TMEM119: variants seen among roughly 807,000 people sequenced by gnomAD.
TMEM119 encodes the protein transmembrane protein 119.
For synonymous variants in TMEM119, 182 were observed against 176.4 expected, an observed-to-expected ratio of 1.03 and a Z score of -0.25; for missense variants, 410 against 381.0, an observed-to-expected ratio of 1.08 and a Z score of -0.63.
In TMEM119 at chr12:108,592,544, G is replaced by A. The variant is rs2031432267; in HGVS notation, c.-14-147C>T. 3 of 913,726 alleles carry A rather than the reference G, an allele frequency of 3.3e-6. No individual in the cohort carries two copies. The highest frequency in any genetic ancestry group is 2.9e-5 in the Admixed American group (1 of 34,384). 56.6% of individuals were successfully genotyped at this position (913,726 alleles called of 1,614,324 possible). A position where few individuals can be genotyped will look rare whatever the true frequency, so the allele number is the denominator to read the frequency against. On this transcript the variant is annotated intron_variant, in intron 1 of 1. Coordinates refer to ENST00000392806, the MANE Select transcript of TMEM119 (RefSeq NM_181724.3). The surrounding 1 kb of genome is among the most constrained non-coding windows in gnomAD (Gnocchi z 4.3). ...CATTCCCAGGGCCTGAGCCCCGCTG[G>A]TTCAGCTGTGGAGTACAGATGTGCT...
Position 108,591,498 on chromosome 12 carries a change from C to A in TMEM119, c.*34G>T. 2 of 1,538,188 alleles carry A rather than the reference C, an allele frequency of 1.3e-6. No individual in the cohort carries two copies. The highest frequency in any genetic ancestry group is 1.4e-5 in the African/African-American group (1 of 72,708). ...ACACGGGGAGGTGACCACTTGGGGGCCCGACAGTCAGGGCTGGCAGCCCGG... is the reference window on the plus strand; with the variant it reads ...ACACGGGGAGGTGACCACTTGGGGGACCGACAGTCAGGGCTGGCAGCCCGG... On this transcript the variant is annotated 3_prime_UTR_variant, in exon 2 of 2. Transcript: ENST00000392806. The surrounding 1 kb of genome is among the most constrained non-coding windows in gnomAD (Gnocchi z 4.2).
In TMEM119 at chr12:108,592,425, C is replaced by A; in HGVS notation, c.-14-28G>T. Reference sequence around the variant, plus strand: ...GTGAGACAGGAGGGAGGAGAGAAGTCATGGCGGAACTCTAGAGTGTCAGGA... The same window carrying A: ...GTGAGACAGGAGGGAGGAGAGAAGTAATGGCGGAACTCTAGAGTGTCAGGA... On this transcript the variant is annotated intron_variant, in intron 1 of 1. Transcript: ENST00000392806. The surrounding 1 kb of genome is among the most constrained non-coding windows in gnomAD (Gnocchi z 4.3). 1 of 1,518,244 alleles carries A rather than the reference C, an allele frequency of 6.6e-7. No homozygotes were observed. The highest frequency in any genetic ancestry group is 1.2e-5 in the South Asian group (1 of 80,772). The allele number at this position is 1,518,244 out of a possible 1,614,324, so 94.0% of individuals were successfully genotyped here.
rs771890921 is a variant in TMEM119, at chr12:108,591,693, C to A, written c.691G>T (p.Ala231Ser). ...ACCCCTGAGCACGGCTCCTCCTGCGCCTCTGGTGTCTCCACTGGGACCCCA... is the reference window on the plus strand; with the variant it reads ...ACCCCTGAGCACGGCTCCTCCTGCGACTCTGGTGTCTCCACTGGGACCCCA... ...GHGVPVETPEAQEEPCSGVLE... is the reference protein window; with the variant it reads ...GHGVPVETPESQEEPCSGVLE... Residue 231 changes from alanine (A) to serine (S), a missense_variant, in exon 2 of 2, where the codon GCG (alanine) becomes TCG (serine). Physicochemically the swap from Ala to Ser is moderately conservative, Grantham distance 99 (BLOSUM62 1). Coordinates refer to ENST00000392806, the MANE Select transcript of TMEM119 (RefSeq NM_181724.3). This position sits in a 1 kb window ranked among gnomAD's most constrained non-coding sequence, Gnocchi z 4.2. The A allele has an allele frequency of 7.4e-6, 12 of 1,613,634 alleles. No homozygotes were observed. The East Asian group carries it at 1.8e-4, about 24-fold the overall frequency.
Position 108,591,760 on chromosome 12 carries a change from C to T in TMEM119, c.624G>A (p.Glu208=), listed in dbSNP as rs2031404018. 6.3e-7 allele frequency: 1 copy of T among 1,599,440 alleles called. No individual in the cohort carries two copies. Among genetic ancestry groups the T allele is most frequent in the African/African-American group, 1.3e-5 (1 of 74,564 alleles). ...GGTCCCCCTCCTGGCTGCCCTTCTC[C>T]TCTTCCTCTGCGCCCCTGCCCTCCA... is the stretch of plus-strand genomic sequence containing the variant. ...RMVEGRGAEE[E]EKGSQEGDQE... Residue 208 remains glutamate, a synonymous_variant, in exon 2 of 2, where the codon GAG becomes GAA. Transcript: ENST00000392806. This position sits in a 1 kb window ranked among gnomAD's most constrained non-coding sequence, Gnocchi z 4.2.
At position 108,592,360 on chromosome 12, in the gene TMEM119, G is replaced by C. The variant is rs780638712; in HGVS notation, c.24C>G (p.Ser8Arg). ...GGAGCAGCAACAGAAGGATGAGGAGGCTGGGGGCTGCCGCCGAAACCATGG... is the reference window on the plus strand; with the variant it reads ...GGAGCAGCAACAGAAGGATGAGGAGCCTGGGGGCTGCCGCCGAAACCATGG... MVSAAAP[S>R]LLILLLLLLG... The change falls in exon 2 of 2, where the codon AGC (serine) becomes AGG (arginine). Residue 8 changes from serine to arginine, a missense_variant. Physicochemically the swap from Ser to Arg is moderately radical, Grantham distance 110 (BLOSUM62 -1). Transcript: ENST00000392806. This position sits in a 1 kb window ranked among gnomAD's most constrained non-coding sequence, Gnocchi z 4.3. The C allele has an allele frequency of 2.6e-6, 4 of 1,566,604 alleles. No homozygotes were observed. Among genetic ancestry groups the C allele is most frequent in the Admixed American group, 3.7e-5 (2 of 54,674 alleles).
chr12:108,597,637 C>G (rs2136746243), intron 1 of TMEM119, among the ~76,000 whole-genome samples: 1 of 152,108 alleles, frequency 6.6e-6, no homozygotes, highest in African/African-American at 2.4e-5. Context: ...TGACACACAG[C>G]CGATCCCTGC....
rs377507463 is a variant in TMEM119 at position 108,591,646 on chromosome 12, G to A, written c.738C>T (p.Ala246=). The change falls in exon 2 of 2, where the codon GCC becomes GCT. Residue 246 remains alanine (A), a synonymous_variant. Coordinates refer to ENST00000392806, the MANE Select transcript of TMEM119 (RefSeq NM_181724.3). The surrounding 1 kb of genome is among the most constrained non-coding windows in gnomAD (Gnocchi z 4.2). The stretch of plus-strand genomic sequence containing the variant: ...CTTCCAGCTCCCCTTGGCCCTCACC[G>A]GCCACCACAGCCCCCTCAAGGACCC... ...CSGVLEGAVV[A]GEGQGELEGS... 77 of 1,613,770 alleles carry A rather than the reference G, an allele frequency of 4.8e-5. No homozygotes were observed. The highest frequency in any genetic ancestry group is 3.5e-4 in the Admixed American group (21 of 59,996).
Position 108,592,979 on chromosome 12 carries a change from C to T in TMEM119, c.-14-582G>A, listed in dbSNP as rs2031444205. On this transcript the variant is annotated intron_variant, in intron 1 of 1. Transcript: ENST00000392806. The surrounding 1 kb of genome is among the most constrained non-coding windows in gnomAD (Gnocchi z 4.3). ...TGCTGAGTGACACCTCACCCCCTACCCACAACTCTGGGACCCTTCCCTTCA... is the reference window on the plus strand; with the variant it reads ...TGCTGAGTGACACCTCACCCCCTACTCACAACTCTGGGACCCTTCCCTTCA... Among the ~76,000 whole-genome samples, 1 of 151,892 alleles carries T rather than the reference C, an allele frequency of 6.6e-6. No individual in the cohort carries two copies. The highest frequency in any genetic ancestry group is 1.9e-4 in the East Asian group (1 of 5,148).
rs1461049526 is a variant in TMEM119, at chr12:108,598,001, C to T, written c.-46G>A. 2 of 152,304 alleles carry T rather than the reference C, an allele frequency of 1.3e-5. No homozygotes were observed. The highest frequency in any genetic ancestry group is 3.8e-4 in the East Asian group (2 of 5,204). The allele number at this position is 152,304 out of a possible 1,614,324, so 9.4% of individuals were successfully genotyped here. Reference sequence around the variant, plus strand: ...CTTGGCGTACAGGACTGGGTGCTCCCGCCGAATGGAGCGAGAGTGGGGGGC... The same window carrying T: ...CTTGGCGTACAGGACTGGGTGCTCCTGCCGAATGGAGCGAGAGTGGGGGGC... On this transcript the variant is annotated 5_prime_UTR_variant, in exon 1 of 2. Coordinates refer to ENST00000392806, the MANE Select transcript of TMEM119 (RefSeq NM_181724.3).
chr12:108,592,146 G>A lies in TMEM119; in HGVS notation c.238C>T (p.Pro80Ser). Residue 80 changes from proline (P) to serine (S), a missense_variant, in exon 2 of 2, where the codon CCC becomes TCC. Physicochemically the swap from Pro to Ser is moderately conservative, Grantham distance 74. Coordinates refer to ENST00000392806, the MANE Select transcript of TMEM119 (RefSeq NM_181724.3). This position sits in a 1 kb window ranked among gnomAD's most constrained non-coding sequence, Gnocchi z 4.3. The part of the protein sequence containing the change: ...QPITLGGPSP[P>S]TNFLDGIVDF... ...ACTATCCCATCCAGGAAGTTGGTGG[G>A]GGGTGATGGGCCCCCCAGGGTTATG... The A allele has an allele frequency of 6.2e-7, 1 of 1,614,118 alleles. No individual in the cohort carries two copies. Among genetic ancestry groups the A allele is most frequent in the Middle Eastern group, 1.6e-4 (1 of 6,062 alleles).
chr12:108,592,145 G>T lies in TMEM119; in HGVS notation c.239C>A (p.Pro80His). ...CACTATCCCATCCAGGAAGTTGGTGGGGGGTGATGGGCCCCCCAGGGTTAT... is the reference window on the plus strand; with the variant it reads ...CACTATCCCATCCAGGAAGTTGGTGTGGGGTGATGGGCCCCCCAGGGTTAT... ...QPITLGGPSP[P>H]TNFLDGIVDF... Residue 80 changes from proline (P) to histidine (H), a missense_variant, in exon 2 of 2, where the codon CCC becomes CAC. Coordinates refer to ENST00000392806, the MANE Select transcript of TMEM119 (RefSeq NM_181724.3). This position sits in a 1 kb window ranked among gnomAD's most constrained non-coding sequence, Gnocchi z 4.3. The T allele has an allele frequency of 1.9e-6, 3 of 1,614,114 alleles. No homozygotes were observed. In the South Asian group the frequency reaches 3.3e-5, roughly 18 times the overall value.
chr12:108,591,356 G>A lies in TMEM119; in HGVS notation c.*176C>T, dbSNP rs912012779. On this transcript the variant is annotated 3_prime_UTR_variant, in exon 2 of 2. Coordinates refer to ENST00000392806, the MANE Select transcript of TMEM119 (RefSeq NM_181724.3). The surrounding 1 kb of genome is among the most constrained non-coding windows in gnomAD (Gnocchi z 4.2). Reference sequence around the variant, plus strand: ...TGATGGCACTTGGTAAGATTCCTCCGGGGCACCGGGGACCAGCATTTCTGC... The same window carrying A: ...TGATGGCACTTGGTAAGATTCCTCCAGGGCACCGGGGACCAGCATTTCTGC... The A allele has an allele frequency of 3.5e-5, 25 of 718,776 alleles. No individual in the cohort carries two copies. The highest frequency in any genetic ancestry group is 2.0e-4 in the African/African-American group (11 of 55,652). The allele number at this position is 718,776 out of a possible 1,614,324, so 44.5% of individuals were successfully genotyped here. A position where few individuals can be genotyped will look rare whatever the true frequency, so the allele number is the denominator to read the frequency against.
intron 1 of TMEM119, among the ~76,000 whole-genome samples, chr12:108,596,778 G>A (rs918509154): frequency 3.3e-5 from 5 of 152,220 alleles, no homozygotes; most frequent in Non-Finnish European, 7.3e-5. Context: ...GAATCTAACA[G>A]GCCATTAGGA....
chr12:108,596,139 G>A (rs2031500505), intron 1 of TMEM119, among the ~76,000 whole-genome samples: 1 of 152,190 alleles, frequency 6.6e-6, no homozygotes, highest in Non-Finnish European at 1.5e-5. Context: ...CGAAGTAGCT[G>A]AGCCCCGAGG....
rs1565882149 is a variant in TMEM119 at position 108,592,296 on chromosome 12, G to A, written c.88C>T (p.Leu30=). The A allele has an allele frequency of 1.2e-6, 2 of 1,607,936 alleles. No homozygotes were observed. Among genetic ancestry groups the A allele is most frequent in the Non-Finnish European group, 8.5e-7 (1 of 1,178,822 alleles). The change falls in exon 2 of 2, where the codon CTG becomes TTG. Residue 30 remains leucine, a synonymous_variant. Transcript: ENST00000392806. This position sits in a 1 kb window ranked among gnomAD's most constrained non-coding sequence, Gnocchi z 4.3. ...ACATCCTCCAGGAACGTGGCCTTCA[G>A]GGGCACAGAGCGGGCGTCGGTAGCA... ...VPATDARSVP[L]KATFLEDVAG...
rs1362871574 is a variant in TMEM119, at chr12:108,591,914, G to A, written c.470C>T (p.Ala157Val). Reference protein sequence around the residue: ...PRAFSEVPDRAPDSRPEEALD... With the variant: ...PRAFSEVPDRVPDSRPEEALD... ...GGCTTCCTCGGGCCTGCTGTCGGGG[G>A]CTCTGTCGGGGACCTCACTGAAGGC... Residue 157 changes from alanine to valine, a missense_variant, in exon 2 of 2, where the codon GCC becomes GTC. Transcript: ENST00000392806. This position sits in a 1 kb window ranked among gnomAD's most constrained non-coding sequence, Gnocchi z 4.2. 4.3e-6 allele frequency: 7 copies of A among 1,613,044 alleles called. No individual in the cohort carries two copies. The highest frequency in any genetic ancestry group is 1.7e-6 in the Non-Finnish European group (2 of 1,179,770).
Position 108,591,362 on chromosome 12 carries a change from C to G in TMEM119, c.*170G>C. 1.3e-6 allele frequency: 1 copy of G among 778,142 alleles called. No homozygotes were observed. The highest frequency in any genetic ancestry group is 2.0e-6 in the Non-Finnish European group (1 of 508,532). The allele number at this position is 778,142 out of a possible 1,614,324, so 48.2% of individuals were successfully genotyped here. A position where few individuals can be genotyped will look rare whatever the true frequency, so the allele number is the denominator to read the frequency against. On this transcript the variant is annotated 3_prime_UTR_variant, in exon 2 of 2. Coordinates refer to ENST00000392806, the MANE Select transcript of TMEM119 (RefSeq NM_181724.3). This position sits in a 1 kb window ranked among gnomAD's most constrained non-coding sequence, Gnocchi z 4.2. ...CACTTGGTAAGATTCCTCCGGGGCA[C>G]CGGGGACCAGCATTTCTGCCTGCTG...
chr12:108,594,618 A>G (rs1183877638), intron 1 of TMEM119: 2 of 151,936 alleles, frequency 1.3e-5, no homozygotes, highest in Non-Finnish European at 2.9e-5. Context: ...TTAGATGGAA[A>G]AAATAAAAAA....
chr12:108,593,269 C>T (rs1159449207), intron 1 of TMEM119, among the ~76,000 whole-genome samples: 1 of 152,022 alleles, frequency 6.6e-6, no homozygotes, highest in Non-Finnish European at 1.5e-5. Context: ...CATGGTGAAA[C>T]CCCATCTCTA....
Sources: allele counts gnomAD v4.1 joint callset (sites outside exome capture counted in the v4.1 genomes callset), GRCh38; gene constraint gnomAD v4.1.1; non-coding constraint Gnocchi (gnomAD v3.1); transcripts MANE v1.5; gene names NCBI Gene and HGNC (gene_info 2026-07-23, HGNC 2026-07-21).